Variants in SLC25A48 observed in about 807,000 individuals in gnomAD.
SLC25A48 encodes the protein CTC-321K16.1.
SLC25A48 carries 29 observed loss-of-function variants against 32.2 expected under a neutral mutation model. The ratio of observed to expected loss-of-function variants is 0.90; its 90% CI spans 0.67 to 1.23. The LOEUF is 1.23. Ranked by LOEUF, SLC25A48 falls within the 50% of genes most tolerant of loss-of-function variation. The pLI is 0.00. For missense variants in SLC25A48, 399 were observed against 422.7 expected (o/e 0.94, Z 0.49); for synonymous variants, 164 against 172.3 (o/e 0.95, Z 0.38).
intron 3 of SLC25A48, among the ~76,000 whole-genome samples, chr5:135,765,045 A>C (rs1177790071): frequency 6.7e-6 from 1 of 149,090 alleles, no homozygotes; most frequent in Non-Finnish European, 1.5e-5. Context: ...ACACCCACCC[A>C]TGATATGGTT....
At chr5:135,691,506 G>A (rs1754142653) in intron 3 of SLC25A48, among the ~76,000 whole-genome samples, 1 of 152,176 alleles carries the variant, frequency 6.6e-6, no homozygotes, top group Admixed American at 6.5e-5. Flanking sequence ...GGCATCTTGT[G>A]TGTGCCTCTT....
chr5:135,603,043 G>C (rs1751838751), intron 1 of SLC25A48, among the ~76,000 whole-genome samples: 1 of 152,172 alleles, frequency 6.6e-6, no homozygotes, highest in African/African-American at 2.4e-5. Context: ...AAGAAACCTG[G>C]AGGAACCTGT....
intron 1 of SLC25A48, chr5:135,835,096 T>C (rs1320995009): frequency 1.4e-6 from 1 of 724,180 alleles, no homozygotes; most frequent in South Asian, 1.5e-5. Flanking sequence ...TTCACAGCGT[T>C]TCGGGCTGAG....
intron 3 of SLC25A48, among the ~76,000 whole-genome samples, chr5:135,803,384 C>T (rs929033428): frequency 1.3e-5 from 2 of 149,816 alleles, no homozygotes; most frequent in African/African-American, 4.9e-5. Context: ...TGATACTATT[C>T]ATAATATTCT....
chr5:135,758,344 A>T (rs62365685), intron 3 of SLC25A48, among the ~76,000 whole-genome samples: 35,220 of 150,584 alleles, frequency 0.23, 4,645 homozygotes, highest in East Asian at 0.45. Context: ...ATAGAATATC[A>T]TCTCTATGAT....
At chr5:135,870,272 G>A (rs1761533129) in intron 4 of SLC25A48, among the ~76,000 whole-genome samples, 1 of 152,154 alleles carries the variant, frequency 6.6e-6, no homozygotes, top group Non-Finnish European at 1.5e-5. Flanking sequence ...GTCACATTAT[G>A]TTATTTCCTG....
intron 4 of SLC25A48, among the ~76,000 whole-genome samples, chr5:135,860,904 G>A (rs949261670): frequency 6.6e-6 from 1 of 152,186 alleles, no homozygotes; most frequent in Non-Finnish European, 1.5e-5. Flanking sequence ...TGGTACATAT[G>A]ACAGGTGGAC....
At chr5:135,754,294 AC>A (rs1484232162) in intron 3 of SLC25A48, among the ~76,000 whole-genome samples, 1 of 121,704 alleles carries the variant, frequency 8.2e-6, no homozygotes, top group East Asian at 2.2e-4. Context: ...CGTTGACACT[AC>A]ATATGATATG....
chr5:135,875,857 C>T (rs1369728127), intron 6 of SLC25A48: 3 of 152,164 alleles, frequency 2.0e-5, no homozygotes, highest in East Asian at 1.9e-4. Context: ...TTGGTCACTA[C>T]CCATTAAGCA....
chr5:135,849,908 C>G (rs151050964), intron 2 of SLC25A48, among the ~76,000 whole-genome samples: 71 of 152,146 alleles, frequency 4.7e-4, no homozygotes, highest in Non-Finnish European at 8.1e-4. Flanking sequence ...GATGGGAGGC[C>G]ACTGGAGGCT....
chr5:135,846,924 T>C (rs1759471380), intron 2 of SLC25A48, among the ~76,000 whole-genome samples: 1 of 152,190 alleles, frequency 6.6e-6, no homozygotes, highest in African/African-American at 2.4e-5. Context: ...ATGATATTAA[T>C]ATGGGATGTA....
At chr5:135,761,035 C>T (rs4552587) in intron 3 of SLC25A48, among the ~76,000 whole-genome samples, 46,017 of 151,998 alleles carry the variant, frequency 0.3, 7,118 homozygotes, top group East Asian at 0.46. Flanking sequence ...CATGGTGGCT[C>T]ATTCCTGTAA....
intron 3 of SLC25A48, among the ~76,000 whole-genome samples, chr5:135,774,093 A>G (rs1756487645): frequency 6.6e-6 from 1 of 151,462 alleles, no homozygotes; most frequent in Non-Finnish European, 1.5e-5. Flanking sequence ...ATCCAGGGGA[A>G]TGAGAATGAT....
intron 3 of SLC25A48, among the ~76,000 whole-genome samples, chr5:135,640,270 A>G (rs1027546474): frequency 2.6e-5 from 4 of 152,332 alleles, no homozygotes; most frequent in African/African-American, 4.8e-5. Flanking sequence ...CTCATGTCCT[A>G]TGGGAAAATA....
intron 3 of SLC25A48, among the ~76,000 whole-genome samples, chr5:135,789,328 C>T (rs1212949870): frequency 1.3e-5 from 2 of 151,204 alleles, no homozygotes; most frequent in Non-Finnish European, 3.0e-5. Flanking sequence ...TGGTATTACT[C>T]CCCATGTGGC....
chr5:135,852,628 GTT>G lies in SLC25A48; in HGVS notation c.230_231del (p.Phe77TrpfsTer5). On this transcript the variant is annotated frameshift_variant, in exon 4 of 8. Transcript: ENST00000681962. LOFTEE classifies it high-confidence loss of function. ...GCATTGCCGTCTACAACTCCGTGGT[GTT>G]TGGGGTCTTCAGTAACACGCAGCGG... ...ASIAVYNSVV[F>X]GVFSNTQRFL... 1 of 1,613,590 alleles carries G rather than the reference GTT, an allele frequency of 6.2e-7. No homozygotes were observed. The highest frequency in any genetic ancestry group is 8.5e-7 in the Non-Finnish European group (1 of 1,179,536).
chr5:135,689,698 G>C (rs575885984), intron 3 of SLC25A48, among the ~76,000 whole-genome samples: 1 of 152,212 alleles, frequency 6.6e-6, no homozygotes, highest in South Asian at 2.1e-4. Flanking sequence ...GTTGGTAAAA[G>C]AGGAGAGATG....
At chr5:135,764,570 A>G (rs1397367250) in intron 3 of SLC25A48, among the ~76,000 whole-genome samples, 4 of 148,814 alleles carry the variant, frequency 2.7e-5, no homozygotes, top group Non-Finnish European at 4.5e-5. Context: ...GAGAAAGAGG[A>G]TGATATTAAT....
intron 4 of SLC25A48, among the ~76,000 whole-genome samples, chr5:135,828,908 C>T (rs890794086): frequency 6.6e-6 from 1 of 152,216 alleles, no homozygotes; most frequent in African/African-American, 2.4e-5. Context: ...ACTACTCAGG[C>T]AGTTCCCTCT....
Sources: gnomAD v4.1 joint callset for allele counts (sites outside exome capture counted in the v4.1 genomes callset) on GRCh38, gnomAD v4.1.1 for gene constraint, MANE v1.5 for transcripts, NCBI Gene and HGNC (gene_info 2026-07-23, HGNC 2026-07-21) for gene names.